The following CERK variants were observed in gnomAD, a reference collection of about 807,000 sequenced individuals.
CERK encodes the protein ceramide kinase, also known as acylsphingosine kinase.
In CERK, 39 loss-of-function variants were observed where a neutral mutation model predicts 63.4. The ratio of observed to expected loss-of-function variants is 0.61; its 90% CI spans 0.48 to 0.80. The LOEUF is 0.80. Ranked by LOEUF, CERK falls within the 30% of genes least tolerant of loss-of-function variation. The pLI, the probability that CERK is intolerant of heterozygous loss-of-function variation, is 0.00. For synonymous variants in CERK, 302 were observed against 280.0 expected (o/e 1.08, Z -0.78); for missense variants, 670 against 714.1 (o/e 0.94, Z 0.70).
At chr22:46,688,795 G>A (rs186406086) in intron 12 of CERK, among the ~76,000 whole-genome samples, 4 of 152,364 alleles carry the variant, frequency 2.6e-5, no homozygotes, top group Admixed American at 2.0e-4. Context: ...CTCTGTTAAC[G>A]AGCGTCAAGC....
At chr22:46,694,651 G>A (rs1456631930) in intron 9 of CERK, among the ~76,000 whole-genome samples, 2 of 152,152 alleles carry the variant, frequency 1.3e-5, no homozygotes, top group Admixed American at 1.3e-4. Context: ...CTGCCTTCCT[G>A]TGGGGTTGAA....
In CERK at chr22:46,712,174, T is replaced by C; in HGVS notation, c.499A>G (p.Ile167Val). 1 of 1,614,200 alleles carries C rather than the reference T, an allele frequency of 6.2e-7. No individual in the cohort carries two copies. The highest frequency in any genetic ancestry group is 8.5e-7 in the Non-Finnish European group (1 of 1,180,016). The change falls in exon 4 of 13, where the codon ATC (isoleucine) becomes GTC (valine). Residue 167 changes from isoleucine to valine, a missense_variant. By Grantham distance (29) the Ile-to-Val change is conservative. Coordinates refer to ENST00000216264, the MANE Select transcript of CERK (RefSeq NM_022766.6). ...LFTLASITTD[I>V]IVTEHANQAK... Reference sequence around the variant, plus strand: ...TTAACATAGAATTTGTTACCGATGATGTCAGTGGTGATGGAGGCTAAGGTG... The same window carrying C: ...TTAACATAGAATTTGTTACCGATGACGTCAGTGGTGATGGAGGCTAAGGTG...
chr22:46,702,621 A>T (rs2082792836), intron 6 of CERK, among the ~76,000 whole-genome samples: 1 of 152,200 alleles, frequency 6.6e-6, no homozygotes, highest in African/African-American at 2.4e-5. Flanking sequence ...GGATGCGGCA[A>T]AGGTCACACA....
intron 1 of CERK, chr22:46,735,421 G>T (rs185264841): frequency 2.6e-5 from 4 of 152,382 alleles, no homozygotes; most frequent in Admixed American, 2.6e-4. Context: ...CACGTGCCTG[G>T]GTTCAAAGCC....
At chr22:46,698,261 A>G (rs2082765938) in intron 8 of CERK, among the ~76,000 whole-genome samples, 1 of 152,244 alleles carries the variant, frequency 6.6e-6, no homozygotes, top group African/African-American at 2.4e-5. Flanking sequence ...GGCTTCAGGG[A>G]GTGCGGCGTG....
intron 6 of CERK, among the ~76,000 whole-genome samples, chr22:46,704,349 G>C (rs1345849843): frequency 6.6e-6 from 1 of 152,232 alleles, no homozygotes; most frequent in Admixed American, 6.5e-5. Flanking sequence ...GGTGACAAAA[G>C]ACAGGTTTCT....
chr22:46,687,085 C>CAT lies in CERK; in HGVS notation c.*48_*49insAT. ...AACATAATTGGTCTGTAATAATTAT[C>CAT]TTAAATAGTTTTCACACTTTCCCAG... On this transcript the variant is annotated 3_prime_UTR_variant, in exon 13 of 13. Transcript: ENST00000216264. 1 of 1,466,360 alleles carries CAT rather than the reference C, an allele frequency of 6.8e-7. No individual in the cohort carries two copies. Among genetic ancestry groups the CAT allele is most frequent in the Non-Finnish European group, 9.6e-7 (1 of 1,046,338 alleles). 90.8% of individuals were successfully genotyped at this position (1,466,360 alleles called of 1,614,324 possible).
intron 7 of CERK, among the ~76,000 whole-genome samples, chr22:46,700,627 C>G (rs1022924053): frequency 2.0e-5 from 3 of 152,134 alleles, no homozygotes; most frequent in African/African-American, 7.2e-5. Context: ...GTGGGAGGAT[C>G]GCTTGAGTTC....
Position 46,712,256 on chromosome 22 carries a change from C to T in CERK, c.417G>A (p.Pro139=), listed in dbSNP as rs778442754. The T allele has an allele frequency of 3.0e-5, 48 of 1,613,826 alleles. No individual in the cohort carries two copies. The highest frequency in any genetic ancestry group is 1.5e-4 in the South Asian group (14 of 91,090). ...GCTTGCCTTGTCCTTTTCCTCCAAA[C>T]GGGTTGATAAATACCAGTAAATGCT... The part of the protein sequence containing the change: ...RPKHLLVFIN[P]FGGKGQGKRI... The change falls in exon 4 of 13, where the codon CCG becomes CCA. Residue 139 remains proline (P), a synonymous_variant. Coordinates refer to ENST00000216264, the MANE Select transcript of CERK (RefSeq NM_022766.6).
At chr22:46,690,430 C>T (rs2082724852) in intron 11 of CERK, among the ~76,000 whole-genome samples, 1 of 151,968 alleles carries the variant, frequency 6.6e-6, no homozygotes, top group African/African-American at 2.4e-5. Context: ...CCCACCTTCC[C>T]CGGCGCCTAC....
intron 12 of CERK, among the ~76,000 whole-genome samples, chr22:46,687,713 C>T (rs970546851): frequency 2.6e-5 from 4 of 152,160 alleles, no homozygotes; most frequent in African/African-American, 9.7e-5. Flanking sequence ...TGGCCCAACG[C>T]CAGCAAGAGC....
At chr22:46,736,358 G>C (rs1446324609) in intron 1 of CERK, among the ~76,000 whole-genome samples, 2 of 152,220 alleles carry the variant, frequency 1.3e-5, no homozygotes, top group Admixed American at 6.5e-5. Context: ...TGGAGCCTGA[G>C]GGAAGCCTTA....
At chr22:46,696,063 G>A (rs971211627) in intron 8 of CERK, among the ~76,000 whole-genome samples, 1 of 152,174 alleles carries the variant, frequency 6.6e-6, no homozygotes, top group Non-Finnish European at 1.5e-5. Context: ...GGCCTGCAGG[G>A]CCGTCACACA....
At position 46,686,927 on chromosome 22, in the gene CERK, T is replaced by G; in HGVS notation, c.*207A>C. 1 of 539,134 alleles carries G rather than the reference T, an allele frequency of 1.9e-6. No individual in the cohort carries two copies. The highest frequency in any genetic ancestry group is 3.1e-5 in the Admixed American group (1 of 31,924). 33.4% of individuals were successfully genotyped at this position (539,134 alleles called of 1,614,324 possible). A position where few individuals can be genotyped will look rare whatever the true frequency, so the allele number is the denominator to read the frequency against. ...CTGCATCCGCTGAGAGTAAGCGGCG[T>G]GGGCTGCAACCCGCAGATGCGTACA... On this transcript the variant is annotated 3_prime_UTR_variant, in exon 13 of 13. Coordinates refer to ENST00000216264, the MANE Select transcript of CERK (RefSeq NM_022766.6).
At chr22:46,709,117 C>T (rs768542879) in intron 5 of CERK, among the ~76,000 whole-genome samples, 4 of 151,850 alleles carry the variant, frequency 2.6e-5, no homozygotes, top group Non-Finnish European at 4.4e-5. Context: ...GCTGTGGTTT[C>T]GAGGACAGGG....
At chr22:46,690,783 C>G (rs530828575) in intron 11 of CERK, among the ~76,000 whole-genome samples, 1 of 152,186 alleles carries the variant, frequency 6.6e-6, no homozygotes, top group Non-Finnish European at 1.5e-5. Flanking sequence ...GAACCCATTT[C>G]TGGGAGCCTA....
At chr22:46,730,369 C>G (rs5767335) in intron 1 of CERK, among the ~76,000 whole-genome samples, 1 of 151,442 alleles carries the variant, frequency 6.6e-6, no homozygotes, top group East Asian at 1.9e-4. Flanking sequence ...TGCAGTGAGT[C>G]GAGATCACAC....
At chr22:46,700,253 C>T (rs1290383616) in intron 7 of CERK, among the ~76,000 whole-genome samples, 6 of 151,100 alleles carry the variant, frequency 4.0e-5, no homozygotes, top group Non-Finnish European at 8.8e-5. Flanking sequence ...ATGAGCTGGG[C>T]GTGGTGGCAG....
intron 1 of CERK, among the ~76,000 whole-genome samples, chr22:46,731,345 T>C (rs1196613695): frequency 2.6e-5 from 4 of 152,108 alleles, no homozygotes; most frequent in Non-Finnish European, 5.9e-5. Context: ...AGGAAGCACC[T>C]CCACCCCCCG....
Sources: gnomAD v4.1 joint callset for allele counts (sites outside exome capture counted in the v4.1 genomes callset) on GRCh38, gnomAD v4.1.1 for gene constraint, MANE v1.5 for transcripts, NCBI Gene and HGNC (gene_info 2026-07-23, HGNC 2026-07-21) for gene names.